RBFOX1: variants seen among roughly 807,000 people sequenced by gnomAD.
RBFOX1 encodes RNA binding fox-1 homolog 1, also known as RNA binding protein fox-1 homolog 1.
In RBFOX1, 8 loss-of-function variants were observed where a neutral mutation model predicts 57.7. That is an observed-to-expected ratio of 0.14 (90% confidence interval 0.08 to 0.25). The LOEUF is 0.25. Ranked by LOEUF, RBFOX1 falls within the 10% of genes least tolerant of loss-of-function variation. The pLI is 1.00. For missense variants in RBFOX1, 611 were observed against 548.5 expected, an observed-to-expected ratio of 1.11 and a Z score of -1.14; for synonymous variants, 326 against 222.4, an observed-to-expected ratio of 1.47 and a Z score of -4.15.
At chr16:6,170,437 G>A (rs34166019) in intron 1 of RBFOX1, among the ~76,000 whole-genome samples, 30,987 of 152,092 alleles carry the variant, frequency 0.2, 3,717 homozygotes, top group Middle Eastern at 0.27. Context: ...AGGAATTGTG[G>A]GCTCCTCTTC....
At chr16:5,986,571 C>G (rs1213458093) in intron 4 of RBFOX1, among the ~76,000 whole-genome samples, 1 of 152,226 alleles carries the variant, frequency 6.6e-6, no homozygotes, top group African/African-American at 2.4e-5. Context: ...CGTGTTACCA[C>G]TGATTCGTTG....
At chr16:7,000,765 T>A (rs1005992463) in intron 3 of RBFOX1, among the ~76,000 whole-genome samples, 4 of 151,866 alleles carry the variant, frequency 2.6e-5, no homozygotes, top group Admixed American at 2.0e-4. Context: ...CCATCATGCC[T>A]GGCTAACTTT....
At chr16:6,365,196 A>G (rs2089352389) in intron 2 of RBFOX1, among the ~76,000 whole-genome samples, 1 of 152,236 alleles carries the variant, frequency 6.6e-6, no homozygotes, top group African/African-American at 2.4e-5. Context: ...TCTTCTTAAA[A>G]TAGATGGATG....
In RBFOX1 at chr16:6,681,474, C is replaced by T. The variant is rs116976051; in HGVS notation, c.-16+26824C>T. Among the ~76,000 whole-genome samples the T allele has an allele frequency of 1.9e-3, 282 of 152,250 alleles. 11 individuals carry two copies. In the East Asian group the frequency reaches 0.031, roughly 17 times the overall value. On this transcript the variant is annotated intron_variant, in intron 3 of 15. Coordinates refer to ENST00000550418, the MANE Select transcript of RBFOX1 (RefSeq NM_018723.4). ...AGTTCAGAAGTATAACCAGATTTAG[C>T]AGAAGTAGTTCTGTGATCAATTAGT... is the stretch of plus-strand genomic sequence containing the variant.
intron 5 of RBFOX1, among the ~76,000 whole-genome samples, chr16:7,530,535 G>A (rs1274386647): frequency 1.3e-5 from 2 of 151,312 alleles, no homozygotes; most frequent in South Asian, 2.1e-4. Context: ...ATTTTATCTA[G>A]TTCTCTCCTG....
At chr16:6,013,255 A>T (rs534248109) in intron 4 of RBFOX1, among the ~76,000 whole-genome samples, 1 of 152,220 alleles carries the variant, frequency 6.6e-6, no homozygotes, top group African/African-American at 2.4e-5. Flanking sequence ...ACTAAATAGC[A>T]TATAAACAAG....
At chr16:6,556,036 C>G (rs1053379847) in intron 2 of RBFOX1, among the ~76,000 whole-genome samples, 11 of 152,170 alleles carry the variant, frequency 7.2e-5, no homozygotes, top group Admixed American at 1.3e-4. Context: ...CTTTGAGGCA[C>G]TAGGGCATTT....
At chr16:6,153,748 C>G (rs1567573140) in intron 1 of RBFOX1, among the ~76,000 whole-genome samples, 1 of 152,216 alleles carries the variant, frequency 6.6e-6, no homozygotes, top group East Asian at 1.9e-4. Context: ...GTTGGCCAGG[C>G]TGGTCTCAAA....
intron 4 of RBFOX1, among the ~76,000 whole-genome samples, chr16:7,242,686 T>A (rs58491324): frequency 0.045 from 6,859 of 152,266 alleles, 536 homozygotes; most frequent in African/African-American, 0.15. Context: ...TTTGCATCCA[T>A]GTGACTTGAA....
At chr16:6,929,771 A>G (rs1431504338) in intron 3 of RBFOX1, among the ~76,000 whole-genome samples, 3 of 152,156 alleles carry the variant, frequency 2.0e-5, no homozygotes, top group African/African-American at 7.2e-5. Flanking sequence ...GTTTCAGGGA[A>G]TATCCTGTAG....
chr16:6,182,950 G>A (rs1157933867), intron 1 of RBFOX1, among the ~76,000 whole-genome samples: 1 of 152,086 alleles, frequency 6.6e-6, no homozygotes, highest in East Asian at 1.9e-4. Context: ...TACTAATTTA[G>A]TAGTATGGGG....
intron 3 of RBFOX1, among the ~76,000 whole-genome samples, chr16:5,761,898 C>A (rs966400995): frequency 6.6e-6 from 1 of 152,076 alleles, no homozygotes; most frequent in African/African-American, 2.4e-5. Flanking sequence ...CACAGCTTCC[C>A]CTGACCCCTA....
chr16:7,088,747 G>C (rs143838086), intron 4 of RBFOX1, among the ~76,000 whole-genome samples: 2 of 152,280 alleles, frequency 1.3e-5, no homozygotes, highest in African/African-American at 4.8e-5. Flanking sequence ...AATTTCTTAT[G>C]CCAGTAACCA....
At chr16:7,088,262 G>C (rs1241554677) in intron 4 of RBFOX1, among the ~76,000 whole-genome samples, 1 of 152,194 alleles carries the variant, frequency 6.6e-6, no homozygotes, top group Non-Finnish European at 1.5e-5. Context: ...TTGTAGCTGT[G>C]AGGTATTTCA....
At chr16:5,928,786 T>C (rs2058987999) in intron 4 of RBFOX1, among the ~76,000 whole-genome samples, 1 of 152,132 alleles carries the variant, frequency 6.6e-6, no homozygotes, top group Non-Finnish European at 1.5e-5. Context: ...GTTCCACAGT[T>C]GTCTGACCAG....
At chr16:5,440,195 G>C (rs1483239232) in intron 1 of RBFOX1, among the ~76,000 whole-genome samples, 1 of 152,142 alleles carries the variant, frequency 6.6e-6, no homozygotes, top group East Asian at 1.9e-4. Context: ...TATTCACACC[G>C]CCATAACATT....
chr16:7,565,278 C>T (rs2091397919), intron 5 of RBFOX1, among the ~76,000 whole-genome samples: 3 of 152,078 alleles, frequency 2.0e-5, no homozygotes, highest in Admixed American at 6.6e-5. Context: ...TCTTCCCCCG[C>T]CCGCCACCAT....
chr16:7,330,648 A>T (rs573080766), intron 4 of RBFOX1, among the ~76,000 whole-genome samples: 1 of 152,150 alleles, frequency 6.6e-6, no homozygotes, highest in African/African-American at 2.4e-5. Flanking sequence ...GAGTAAGGGG[A>T]TATAGTTACC....
At chr16:5,536,797 T>G (rs2044716640) in intron 2 of RBFOX1, among the ~76,000 whole-genome samples, 1 of 147,760 alleles carries the variant, frequency 6.8e-6, no homozygotes, top group African/African-American at 2.5e-5. Context: ...AAACAGGAAT[T>G]AGGGAGGGGT....
Sources: gnomAD v4.1 joint callset for allele counts (sites outside exome capture counted in the v4.1 genomes callset) on GRCh38, gnomAD v4.1.1 for gene constraint, MANE v1.5 for transcripts, NCBI Gene and HGNC (gene_info 2026-07-23, HGNC 2026-07-21) for gene names.